The following IDE variants were observed in gnomAD, a reference collection of about 807,000 sequenced individuals.
IDE encodes the protein insulin degrading enzyme.
A neutral mutation model predicts 133.2 loss-of-function variants in IDE; 58 were observed. The observed-to-expected ratio is 0.44, with a 90% confidence interval of 0.35 to 0.54. The LOEUF is 0.54. Among genes scored for constraint, IDE ranks in the 20% least tolerant of loss-of-function variants. The pLI is 0.00. For synonymous variants in IDE, 396 were observed against 421.3 expected (o/e 0.94, Z 0.73); for missense variants, 981 against 1,234.0 (o/e 0.79, Z 3.07).
At chr10:92,564,694 A>C (rs1297104331) in intron 1 of IDE, among the ~76,000 whole-genome samples, 4 of 136,440 alleles carry the variant, frequency 2.9e-5, no homozygotes, top group Non-Finnish European at 4.8e-5. Flanking sequence ...AAAAAAAAAA[A>C]AAAAAAAAAA....
rs200517884 is a variant in IDE, at chr10:92,530,226, C to CAATAAATAAATAAATA, written c.661+1506_661+1521dup. On this transcript the variant is annotated intron_variant, in intron 4 of 24. Coordinates refer to ENST00000265986, the MANE Select transcript of IDE (RefSeq NM_004969.4). Reference sequence around the variant, plus strand: ...GGGTGATAAGAGCCAGACTCCGTCTCAATAAATAAATAAATAAATAAATAA... The same window carrying CAATAAATAAATAAATA: ...GGGTGATAAGAGCCAGACTCCGTCTCAATAAATAAATAAATAAATAAATAAATAAATAAATAAATAA... Among the ~76,000 whole-genome samples, 744 of 149,726 alleles carry CAATAAATAAATAAATA rather than the reference C, an allele frequency of 5.0e-3. 9 individuals carry two copies. The highest frequency in any genetic ancestry group is 0.03 in the Admixed American group (455 of 14,998).
At chr10:92,537,283 A>G in intron 2 of IDE, 83 bp downstream of exon 2, 1 of 1,087,096 alleles carries the variant, frequency 9.2e-7, no homozygotes, top group Non-Finnish European at 1.3e-6. Flanking sequence ...TTGAGTATTT[A>G]AACACGTATG....
chr10:92,487,969 G>A (rs117273311), intron 12 of IDE, among the ~76,000 whole-genome samples: 1 of 151,950 alleles, frequency 6.6e-6, no homozygotes, highest in Non-Finnish European at 1.5e-5. Flanking sequence ...ACTAATTTTC[G>A]TATTTTTAGT....
At chr10:92,560,557 T>C (rs1843227325) in intron 1 of IDE, among the ~76,000 whole-genome samples, 1 of 151,974 alleles carries the variant, frequency 6.6e-6, no homozygotes, top group South Asian at 2.1e-4. Flanking sequence ...CCCTAGCACG[T>C]GGATCACCTG....
rs1847638298 is a variant in IDE, at chr10:92,495,582, CTCAGGTGA to C, written c.1431-4995_1431-4988del. On this transcript the variant is annotated intron_variant, in intron 11 of 24. Coordinates refer to ENST00000265986, the MANE Select transcript of IDE (RefSeq NM_004969.4). ...GCCAGGCTGGTCTCCAACTCCTGACCTCAGGTGATCCACCCACCTTGGCCTCCTAAAGT... is the reference window on the plus strand; with the variant it reads ...GCCAGGCTGGTCTCCAACTCCTGACCTCCACCCACCTTGGCCTCCTAAAGT... Among the ~76,000 whole-genome samples, 3 of 152,050 alleles carry C rather than the reference CTCAGGTGA, an allele frequency of 2.0e-5. No individual in the cohort carries two copies. The South Asian group carries it at 6.2e-4, about 32-fold the overall frequency.
chr10:92,521,880 CTA>C (rs1377591802), intron 4 of IDE, among the ~76,000 whole-genome samples: 1 of 151,774 alleles, frequency 6.6e-6, no homozygotes, highest in African/African-American at 2.4e-5. Flanking sequence ...AAATGAATTG[CTA>C]TGTTTTAGAG....
intron 1 of IDE, chr10:92,558,843 C>T (rs1843135517): frequency 6.6e-6 from 1 of 151,968 alleles, no homozygotes; most frequent in African/African-American, 2.4e-5. Flanking sequence ...GATCCACCTG[C>T]CTCATCCTCC....
chr10:92,551,173 G>C (rs1734751458), intron 1 of IDE, among the ~76,000 whole-genome samples: 1 of 152,202 alleles, frequency 6.6e-6, no homozygotes, highest in Admixed American at 6.6e-5. Context: ...ACTGATGGAT[G>C]AATCAGTAAA....
intron 22 of IDE, among the ~76,000 whole-genome samples, chr10:92,458,401 A>G (rs1845145086): frequency 6.7e-6 from 1 of 150,000 alleles, no homozygotes; most frequent in Non-Finnish European, 1.5e-5. Context: ...TTTCCTAGGT[A>G]CCCCTATTAA....
At chr10:92,477,737 T>C (rs1384626447) in intron 15 of IDE, among the ~76,000 whole-genome samples, 1 of 152,168 alleles carries the variant, frequency 6.6e-6, no homozygotes, top group Non-Finnish European at 1.5e-5. Context: ...AAATTATGTG[T>C]TTTGATGGTA....
chr10:92,478,518 A>G (rs1041664042), intron 15 of IDE: 3 of 399,894 alleles, frequency 7.5e-6, no homozygotes, highest in Non-Finnish European at 1.1e-5. Context: ...TTCTTTGATC[A>G]TCAAAAAGAT....
chr10:92,488,932 T>TTAA (rs374260654), intron 12 of IDE, among the ~76,000 whole-genome samples: 8 of 78,986 alleles, frequency 1.0e-4, no homozygotes, highest in African/African-American at 2.3e-4. Flanking sequence ...TTTCATTATT[T>TTAA]AAAAAAAAAA....
At chr10:92,546,056 T>C (rs867203003) in intron 1 of IDE, among the ~76,000 whole-genome samples, 2 of 152,146 alleles carry the variant, frequency 1.3e-5, no homozygotes, top group Middle Eastern at 3.2e-3. Flanking sequence ...CAATGGAAAG[T>C]ATACAGCAAT....
At chr10:92,473,141 A>C (rs1255718863) in intron 17 of IDE, among the ~76,000 whole-genome samples, 2 of 150,696 alleles carry the variant, frequency 1.3e-5, no homozygotes, top group African/African-American at 2.4e-5. Context: ...ACGGGGATTC[A>C]CCATGGTCTC....
At chr10:92,491,025 C>A (rs777577980) in intron 11 of IDE, among the ~76,000 whole-genome samples, 13 of 152,056 alleles carry the variant, frequency 8.5e-5, no homozygotes, top group Non-Finnish European at 1.3e-4. Context: ...CTCACTTGAG[C>A]CCAGGAGTTC....
chr10:92,469,828 G>A (rs534905845), intron 18 of IDE, among the ~76,000 whole-genome samples: 2 of 152,154 alleles, frequency 1.3e-5, no homozygotes, highest in East Asian at 1.9e-4. Flanking sequence ...AGGTGCTACT[G>A]TAACTCTAAT....
At chr10:92,460,851 G>T (rs1176360835) in intron 22 of IDE, among the ~76,000 whole-genome samples, 4 of 152,098 alleles carry the variant, frequency 2.6e-5, no homozygotes, top group African/African-American at 9.7e-5. Context: ...AGGTGTTTTG[G>T]TTTTTTTGAG....
intron 1 of IDE, among the ~76,000 whole-genome samples, chr10:92,567,389 A>G (rs1295120337): frequency 6.6e-6 from 1 of 152,158 alleles, no homozygotes; most frequent in African/African-American, 2.4e-5. Flanking sequence ...ACATCAATCA[A>G]TAACTAAACT....
At chr10:92,523,485 C>T (rs866928655) in intron 4 of IDE, among the ~76,000 whole-genome samples, 8 of 150,902 alleles carry the variant, frequency 5.3e-5, no homozygotes, top group East Asian at 1.9e-4. Context: ...AGGCAAATGA[C>T]CTGAGGTCAG....
Sources: allele counts gnomAD v4.1 joint callset (sites outside exome capture counted in the v4.1 genomes callset), GRCh38; gene constraint gnomAD v4.1.1; transcripts MANE v1.5; gene names NCBI Gene and HGNC (gene_info 2026-07-23, HGNC 2026-07-21).